ADGRE1: variants seen among roughly 807,000 people sequenced by gnomAD.
ADGRE1 encodes adhesion G protein-coupled receptor E1, also known as EGF-like module receptor 1.
Under a neutral mutation model 102.7 loss-of-function variants are expected in ADGRE1, and 82 were observed. The observed-to-expected ratio is 0.80, with a 90% CI of 0.67 to 0.96. ADGRE1 has a LOEUF of 0.96. Among genes scored for constraint, ADGRE1 ranks in the 40% least tolerant of loss-of-function variants. The pLI is 0.00. For missense variants in ADGRE1, 1,032 were observed against 1,085.3 expected (o/e 0.95, Z 0.69); for synonymous variants, 398 against 399.6 (o/e 1.00, Z 0.05).
In ADGRE1 at chr19:6,935,026, A is replaced by G; in HGVS notation, c.2329A>G (p.Arg777Gly). Residue 777 changes from arginine (R) to glycine (G), a missense_variant, in exon 18 of 21, where the codon AGG becomes GGG. Arg to Gly is a moderately radical substitution (Grantham distance 125). Transcript: ENST00000312053. ...LLLTWTLWIL[R>G]QRLSSVNAEV... ...CCTGACCTGGACCTTGTGGATCCTG[A>G]GGCAGAGGCTTTCCAGTGTTAATGC... is the stretch of plus-strand genomic sequence containing the variant. The G allele has an allele frequency of 6.2e-7, 1 of 1,600,040 alleles. No homozygotes were observed. Among genetic ancestry groups the G allele is most frequent in the Non-Finnish European group, 8.5e-7 (1 of 1,172,770 alleles).
At chr19:6,896,618 G>T in intron 3 of ADGRE1, 77 bp downstream of exon 3, 1 of 1,519,418 alleles carries the variant, frequency 6.6e-7, no homozygotes, top group Non-Finnish European at 8.9e-7. Flanking sequence ...TTGAATGTAG[G>T]TACTCCCCCA....
intron 1 of ADGRE1, 60 bp from the exon 2 acceptor site, chr19:6,890,421 G>GT (rs57355800): frequency 0.087 from 38,361 of 440,872 alleles, 15 homozygotes; most frequent in East Asian, 0.1. Context: ...AGCCCAAAAG[G>GT]TTTTTTTTTT....
intron 1 of ADGRE1, 26 bp downstream of exon 1, chr19:6,887,665 T>TA: frequency 6.2e-7 from 1 of 1,604,454 alleles, no homozygotes; most frequent in Non-Finnish European, 8.5e-7. Flanking sequence ...AATGGGGGGC[T>TA]AGGGGAGGCC....
chr19:6,925,516 A>C lies in ADGRE1; in HGVS notation c.1986+644A>C, dbSNP rs1484270463. ...ATGTCTGGGGACATTTTTCCTTGTCACAACTGGAGCAGCGTGCTACTGCTC... is the reference window on the plus strand; with the variant it reads ...ATGTCTGGGGACATTTTTCCTTGTCCCAACTGGAGCAGCGTGCTACTGCTC... On this transcript the variant is annotated intron_variant, in intron 15 of 20. Coordinates refer to ENST00000312053, the MANE Select transcript of ADGRE1 (RefSeq NM_001974.5). Among the ~76,000 whole-genome samples, 6 of 152,034 alleles carry C rather than the reference A, an allele frequency of 3.9e-5. No individual in the cohort carries two copies. In the East Asian group the frequency reaches 9.7e-4, roughly 25 times the overall value.
intron 13 of ADGRE1, among the ~76,000 whole-genome samples, chr19:6,920,071 G>A (rs911168914): frequency 3.9e-5 from 6 of 152,170 alleles, no homozygotes; most frequent in African/African-American, 1.4e-4. Context: ...CAAGCTGGGA[G>A]GCTGGGGCAG....
At chr19:6,916,424 A>G in intron 12 of ADGRE1, 56 bp downstream of exon 12, 2 of 1,564,092 alleles carry the variant, frequency 1.3e-6, no homozygotes, top group South Asian at 1.2e-5. Flanking sequence ...ATAAGTATTT[A>G]TCGATCCCTT....
At chr19:6,937,472 C>G in intron 19 of ADGRE1, 61 bp downstream of exon 19, 2 of 1,593,722 alleles carry the variant, frequency 1.3e-6, no homozygotes, top group Non-Finnish European at 1.7e-6. Context: ...CCTTCCCCAC[C>G]GCATCCCTCC....
intron 5 of ADGRE1, among the ~76,000 whole-genome samples, chr19:6,900,697 T>C (rs1360788101): frequency 6.6e-6 from 1 of 152,112 alleles, no homozygotes; most frequent in Middle Eastern, 3.2e-3. Context: ...TTCTCCACAT[T>C]CATTTATGGG....
chr19:6,919,738 G>T lies in ADGRE1; in HGVS notation c.1611G>T (p.Glu537Asp). 6.2e-7 allele frequency: 1 copy of T among 1,613,454 alleles called. No homozygotes were observed. The highest frequency in any genetic ancestry group is 1.1e-5 in the South Asian group (1 of 91,038). ...GFSDPIIYTL[E>D]NIQPKQKFER... ...CAGATCCAATCATCTACACTCTGGAGAACATTCAGGTTTGTGAAGAGGTCT... is the reference window on the plus strand; with the variant it reads ...CAGATCCAATCATCTACACTCTGGATAACATTCAGGTTTGTGAAGAGGTCT... Residue 537 changes from glutamate to aspartate, a missense_variant, in exon 13 of 21, where the codon GAG (glutamate) becomes GAT (aspartate). Transcript: ENST00000312053.
chr19:6,897,055 G>C (rs1973580222), intron 3 of ADGRE1, 94 bp from the exon 4 acceptor site: 10 of 1,273,094 alleles, frequency 7.9e-6, no homozygotes, highest in Non-Finnish European at 9.6e-6. Flanking sequence ...ATATGGGATG[G>C]GAGATATTGT....
intron 1 of ADGRE1, 92 bp from the exon 2 acceptor site, chr19:6,890,389 C>G (rs1973315322): frequency 7.9e-7 from 1 of 1,265,616 alleles, no homozygotes; most frequent in Non-Finnish European, 1.1e-6. Flanking sequence ...TGGGGCCAAG[C>G]CAGGAGTAAT....
At chr19:6,936,312 T>G (rs1803803627) in intron 18 of ADGRE1, among the ~76,000 whole-genome samples, 1 of 151,596 alleles carries the variant, frequency 6.6e-6, no homozygotes, top group South Asian at 2.1e-4. Context: ...GGTGGGCACC[T>G]GTAGTCCCAG....
At position 6,931,298 on chromosome 19, in the gene ADGRE1, AT is replaced by A. The variant is rs994849182; in HGVS notation, c.2289+3095del. Among the ~76,000 whole-genome samples, 92 of 152,084 alleles carry A rather than the reference AT, an allele frequency of 6.0e-4. 1 individual carries two copies. The highest frequency in any genetic ancestry group is 3.4e-3 in the Middle Eastern group (1 of 294). On this transcript the variant is annotated intron_variant, in intron 17 of 20. Transcript: ENST00000312053. Reference sequence around the variant, plus strand: ...GAGGTTTTGTGCTGATGTCTATCAGATTTTTTTTAATGGGGGGCATGTATTA... The same window carrying A: ...GAGGTTTTGTGCTGATGTCTATCAGATTTTTTTAATGGGGGGCATGTATTA...
At chr19:6,888,670 A>C (rs193136240) in intron 1 of ADGRE1, among the ~76,000 whole-genome samples, 2 of 152,336 alleles carry the variant, frequency 1.3e-5, no homozygotes, top group East Asian at 3.9e-4. Flanking sequence ...AAGCACTTTG[A>C]CTTCAGACTT....
chr19:6,936,302 G>C (rs1408855011), intron 18 of ADGRE1, among the ~76,000 whole-genome samples: 1 of 151,848 alleles, frequency 6.6e-6, no homozygotes, highest in African/African-American at 2.4e-5. Context: ...CGGGCATGGT[G>C]GTGGGCACCT....
intron 2 of ADGRE1, chr19:6,895,729 C>T (rs141109514): frequency 8.5e-5 from 13 of 152,316 alleles, no homozygotes; most frequent in African/African-American, 2.9e-4. Flanking sequence ...CACACATCAC[C>T]TGGGATCTTG....
chr19:6,927,177 C>T (rs1054924631), intron 16 of ADGRE1, among the ~76,000 whole-genome samples: 15 of 151,234 alleles, frequency 9.9e-5, no homozygotes, highest in African/African-American at 3.4e-4. Context: ...TCCTTTCTTC[C>T]TCCCTCCCAC....
At chr19:6,896,167 C>CAG in intron 2 of ADGRE1, 2 of 462,482 alleles carry the variant, frequency 4.3e-6, no homozygotes, top group Non-Finnish European at 7.8e-6. Flanking sequence ...CTGTGGCCCA[C>CAG]CCTACTCCAG....
intron 17 of ADGRE1, 52 bp from the exon 18 acceptor site, chr19:6,934,935 C>G: frequency 7.5e-7 from 1 of 1,341,694 alleles, no homozygotes; most frequent in African/African-American, 1.5e-5. Flanking sequence ...GGTGTTCTGG[C>G]CCTTGTCTAT....
Sources: allele counts gnomAD v4.1 joint callset (sites outside exome capture counted in the v4.1 genomes callset), GRCh38; gene constraint gnomAD v4.1.1; transcripts MANE v1.5; gene names NCBI Gene and HGNC (gene_info 2026-07-23, HGNC 2026-07-21).